Variants in NUP107 observed in about 807,000 individuals in gnomAD.
NUP107 encodes the protein nuclear pore complex protein Nup107.
NUP107 carries 101 observed loss-of-function variants against 141.0 expected under a neutral mutation model. That is an observed-to-expected ratio of 0.72 (90% CI 0.61 to 0.84). The LOEUF (loss-of-function observed/expected upper bound fraction) is 0.84. Ranked by LOEUF, NUP107 falls within the 40% of genes least tolerant of loss-of-function variation. NUP107 has a pLI of 0.00. For synonymous variants in NUP107, 319 were observed against 363.9 expected (o/e 0.88, Z 1.41); for missense variants, 941 against 1,102.7 (o/e 0.85, Z 2.08).
intron 6 of NUP107, 30 bp downstream of exon 6, chr12:68,696,952 A>G: frequency 7.5e-7 from 1 of 1,340,486 alleles, no homozygotes; most frequent in Non-Finnish European, 1.1e-6. Flanking sequence ...TCGTTAGTCA[A>G]ACTTCAGTAT....
intron 17 of NUP107, 40 bp downstream of exon 17, chr12:68,722,192 A>C (rs754981886): frequency 1.9e-6 from 3 of 1,560,644 alleles, no homozygotes; most frequent in Non-Finnish European, 2.6e-6. Flanking sequence ...CTGGAATAGG[A>C]AACAGTGTTA....
At position 68,744,257 on chromosome 12, in the gene NUP107, G is replaced by A. The variant is rs1445030785; in HGVS notation, c.*1795G>A. 7.2e-5 allele frequency: 11 copies of A among 152,028 alleles called. No homozygotes were observed. The highest frequency in any genetic ancestry group is 7.2e-4 in the Admixed American group (11 of 15,258). The allele number at this position is 152,028 out of a possible 1,614,324, so 9.4% of individuals were successfully genotyped here. On this transcript the variant is annotated 3_prime_UTR_variant, in exon 28 of 28. Coordinates refer to ENST00000229179, the MANE Select transcript of NUP107 (RefSeq NM_020401.4). ...CCCCACTCTGTATTTGTCTTTTGTTGTGCCTTGTTTTTTGAATGTCCTTTA... is the reference window on the plus strand; with the variant it reads ...CCCCACTCTGTATTTGTCTTTTGTTATGCCTTGTTTTTTGAATGTCCTTTA...
At chr12:68,732,275 C>A (rs1304931551) in intron 22 of NUP107, among the ~76,000 whole-genome samples, 1 of 152,154 alleles carries the variant, frequency 6.6e-6, no homozygotes, top group Non-Finnish European at 1.5e-5. Context: ...GCTGGGATTA[C>A]AGGCATGTGC....
intron 26 of NUP107, among the ~76,000 whole-genome samples, chr12:68,735,741 G>C (rs573647588): frequency 6.6e-6 from 1 of 152,260 alleles, no homozygotes; most frequent in East Asian, 1.9e-4. Flanking sequence ...AAACACTACA[G>C]GGTTCCACTC....
intron 1 of NUP107, 150 bp downstream of exon 1, chr12:68,687,223 A>C: frequency 8.7e-7 from 1 of 1,151,868 alleles, no homozygotes; most frequent in Non-Finnish European, 1.2e-6. Flanking sequence ...AAATTTGGCC[A>C]CAAATGGGGA....
chr12:68,718,288 A>C (rs1434186761), intron 12 of NUP107, among the ~76,000 whole-genome samples: 1 of 152,136 alleles, frequency 6.6e-6, no homozygotes, highest in Non-Finnish European at 1.5e-5. Context: ...TCACATCCCT[A>C]ACCTTAGATT....
At position 68,741,899 on chromosome 12, in the gene NUP107, G is replaced by A. The variant is rs1338091902; in HGVS notation, c.2589G>A (p.Thr863=). The part of the protein sequence containing the change: ...CLPMLCFLLH[T]ILHSTGQYQE... ...CAATGTTGTGTTTTCTGCTTCATAC[G>A]ATATTGCACAGTACTGGTCAGTATC... The change falls in exon 27 of 28, where the codon ACG becomes ACA. Residue 863 remains threonine, a synonymous_variant. Transcript: ENST00000229179. 15 of 1,613,900 alleles carry A rather than the reference G, an allele frequency of 9.3e-6. No individual in the cohort carries two copies. Among genetic ancestry groups the A allele is most frequent in the Non-Finnish European group, 1.3e-5 (15 of 1,179,890 alleles).
intron 14 of NUP107, 74 bp from the exon 15 acceptor site, chr12:68,721,044 C>A: frequency 3.0e-6 from 3 of 985,988 alleles, no homozygotes; most frequent in Non-Finnish European, 1.6e-6. Context: ...GTTTGCAAGA[C>A]TCCACATTAT....
At chr12:68,700,647 C>A in intron 6 of NUP107, 79 bp from the exon 7 acceptor site, 1 of 895,534 alleles carries the variant, frequency 1.1e-6, no homozygotes, top group Non-Finnish European at 1.6e-6. Context: ...ATTATTTTAG[C>A]ACTCTATTCA....
At chr12:68,730,657 A>G (rs1176672035) in intron 20 of NUP107, among the ~76,000 whole-genome samples, 2 of 152,208 alleles carry the variant, frequency 1.3e-5, no homozygotes, top group Non-Finnish European at 2.9e-5. Flanking sequence ...AACTGTACTC[A>G]CTTTTTGGAA....
At chr12:68,731,480 T>A (rs1795670127) in intron 21 of NUP107, 127 bp from the exon 22 acceptor site, 1 of 619,182 alleles carries the variant, frequency 1.6e-6, no homozygotes, top group Non-Finnish European at 2.6e-6. Flanking sequence ...ATAAATATCT[T>A]TCATATTTTA....
In NUP107 at chr12:68,716,431, A is replaced by G. The variant is rs192160598; in HGVS notation, c.1083+691A>G. On this transcript the variant is annotated intron_variant, in intron 12 of 27. Coordinates refer to ENST00000229179, the MANE Select transcript of NUP107 (RefSeq NM_020401.4). ...TTTTTTGTACAGACGGAGTCTTACT[A>G]TGTTGTCCAGGCTGATCGTGAACAC... Among the ~76,000 whole-genome samples the G allele has an allele frequency of 5.3e-5, 8 of 151,634 alleles. No individual in the cohort carries two copies. The East Asian group carries it at 9.7e-4, about 18-fold the overall frequency.
chr12:68,742,575 T>G lies in NUP107; in HGVS notation c.*113T>G, dbSNP rs1221351484. On this transcript the variant is annotated 3_prime_UTR_variant, in exon 28 of 28. Coordinates refer to ENST00000229179, the MANE Select transcript of NUP107 (RefSeq NM_020401.4). ...ACCATGTAAAATTTAGACATTTGAA[T>G]TTTGTACTTTTCAGAATATTATCGT... The G allele has an allele frequency of 1.9e-6, 1 of 531,358 alleles. No individual in the cohort carries two copies. The highest frequency in any genetic ancestry group is 3.3e-6 in the Non-Finnish European group (1 of 302,768). The allele number at this position is 531,358 out of a possible 1,614,324, so 32.9% of individuals were successfully genotyped here.
Position 68,735,162 on chromosome 12 carries a change from C to T in NUP107, c.2389-69C>T. The T allele has an allele frequency of 2.1e-5, 22 of 1,025,554 alleles. 1 individual carries two copies. The South Asian group carries it at 2.8e-4, about 13-fold the overall frequency. 63.5% of individuals were successfully genotyped at this position (1,025,554 alleles called of 1,614,324 possible). A position where few individuals can be genotyped will look rare whatever the true frequency, so the allele number is the denominator to read the frequency against. On this transcript the variant is annotated intron_variant, in intron 25 of 27. Transcript: ENST00000229179. ...TGATGTTCTATATGTATGTTCCTGT[C>T]TGTATTTTCCAAATACATTATTTAT...
intron 20 of NUP107, among the ~76,000 whole-genome samples, chr12:68,729,217 G>GTA (rs972024169): frequency 6.6e-6 from 1 of 152,124 alleles, no homozygotes; most frequent in African/African-American, 2.4e-5. Context: ...TATTACAGTA[G>GTA]TATAGTATCT....
At chr12:68,720,982 A>T in intron 14 of NUP107, 136 bp from the exon 15 acceptor site, 1 of 507,298 alleles carries the variant, frequency 2.0e-6, no homozygotes, top group East Asian at 3.2e-5. Context: ...ACCCCACTAG[A>T]TCTTTCACTA....
At position 68,691,969 on chromosome 12, in the gene NUP107, T is replaced by C. The variant is rs191002653; in HGVS notation, c.305T>C (p.Val102Ala). Residue 102 changes from valine to alanine, a missense_variant and splice_region_variant, in exon 5 of 28, where the codon GTT becomes GCT. Val to Ala is a moderately conservative substitution (Grantham distance 64). Transcript: ENST00000229179. The part of the protein sequence containing the change: ...SSGFFGNLSM[V>A]TNLDDSNWAA... ...TTTACTTTTTTGTTTTTTTTTAAGG[T>C]TACTAATCTGGATGACAGTAACTGG... 6.3e-7 allele frequency: 1 copy of C among 1,590,968 alleles called. No individual in the cohort carries two copies. Among genetic ancestry groups the C allele is most frequent in the African/African-American group, 1.4e-5 (1 of 73,210 alleles).
chr12:68,712,412 C>G (rs1211051502), intron 10 of NUP107, among the ~76,000 whole-genome samples: 2 of 115,184 alleles, frequency 1.7e-5, no homozygotes, highest in Non-Finnish European at 3.5e-5. Context: ...GAGCAAAACT[C>G]CATCTCAAAA....
intron 14 of NUP107, among the ~76,000 whole-genome samples, 173 bp downstream of exon 14, chr12:68,719,827 G>A (rs189754551): frequency 4.3e-4 from 66 of 152,216 alleles, no homozygotes; most frequent in African/African-American, 1.5e-3. Flanking sequence ...TGTGTACTAA[G>A]AATTAAACAC....
Sources: gnomAD v4.1 joint callset for allele counts (sites outside exome capture counted in the v4.1 genomes callset) on GRCh38, gnomAD v4.1.1 for gene constraint, MANE v1.5 for transcripts, NCBI Gene and HGNC (gene_info 2026-07-23, HGNC 2026-07-21) for gene names.